CNTNAP5: variants seen among roughly 807,000 people sequenced by gnomAD.
The protein encoded by CNTNAP5 is contactin associated protein family member 5.
CNTNAP5 carries 72 observed loss-of-function variants against 150.2 expected under a neutral mutation model. That is an observed-to-expected ratio of 0.48 (90% CI 0.40 to 0.58). The LOEUF is 0.58. Ranked by LOEUF, CNTNAP5 falls within the 20% of genes least tolerant of loss-of-function variation. CNTNAP5 has a pLI of 0.00. For synonymous variants in CNTNAP5, 672 were observed against 619.8 expected (o/e 1.08, Z -1.25); for missense variants, 1,636 against 1,626.2 (o/e 1.01, Z -0.10).
At chr2:124,557,277 TG>T (rs58921283) in intron 10 of CNTNAP5, among the ~76,000 whole-genome samples, 61,670 of 151,726 alleles carry the variant, frequency 0.41, 12,821 homozygotes, top group East Asian at 0.62. Context: ...AATTGCTCCT[TG>T]CCTGTGGCTG....
intron 16 of CNTNAP5, among the ~76,000 whole-genome samples, chr2:124,769,049 C>T (rs1411798285): frequency 6.6e-6 from 1 of 152,120 alleles, no homozygotes; most frequent in Non-Finnish European, 1.5e-5. Flanking sequence ...TAAATCGACC[C>T]TGAAATCTCT....
chr2:124,720,917 G>A (rs1482839), intron 13 of CNTNAP5, among the ~76,000 whole-genome samples: 31,555 of 151,740 alleles, frequency 0.21, 3,375 homozygotes, highest in East Asian at 0.24. Flanking sequence ...TTCTTCTTTA[G>A]TATACTTTAA....
At chr2:124,521,704 T>C (rs1694849912) in intron 8 of CNTNAP5, among the ~76,000 whole-genome samples, 1 of 152,238 alleles carries the variant, frequency 6.6e-6, no homozygotes, top group Admixed American at 6.5e-5. Context: ...ACTAACTCCC[T>C]TCCAGTCTAG....
At chr2:124,885,487 G>T (rs534974679) in intron 21 of CNTNAP5, among the ~76,000 whole-genome samples, 2 of 150,074 alleles carry the variant, frequency 1.3e-5, no homozygotes, top group East Asian at 4.0e-4. Flanking sequence ...CAATTCAGAG[G>T]CATTTAGTAT....
At chr2:124,026,687 G>T (rs1292713192) in intron 1 of CNTNAP5, among the ~76,000 whole-genome samples, 1 of 152,186 alleles carries the variant, frequency 6.6e-6, no homozygotes, top group Non-Finnish European at 1.5e-5. Context: ...GTTTATCAAG[G>T]TCCCTCAAGT....
chr2:124,580,728 T>G (rs1696391840), intron 11 of CNTNAP5, among the ~76,000 whole-genome samples: 1 of 152,186 alleles, frequency 6.6e-6, no homozygotes, highest in South Asian at 2.1e-4. Flanking sequence ...TCTCAATATC[T>G]GTTTATATAG....
intron 14 of CNTNAP5, among the ~76,000 whole-genome samples, chr2:124,758,990 G>A (rs1462478374): frequency 3.3e-5 from 5 of 152,000 alleles, no homozygotes; most frequent in African/African-American, 1.2e-4. Context: ...TTCCAACAGG[G>A]AAAACAAGAA....
At chr2:124,633,381 G>T (rs1573511201) in intron 12 of CNTNAP5, among the ~76,000 whole-genome samples, 1 of 152,244 alleles carries the variant, frequency 6.6e-6, no homozygotes, top group East Asian at 1.9e-4. Context: ...GGGGGTACAG[G>T]CACCATGAAA....
At chr2:124,386,117 A>G (rs1165856580) in intron 3 of CNTNAP5, among the ~76,000 whole-genome samples, 1 of 152,122 alleles carries the variant, frequency 6.6e-6, no homozygotes. Flanking sequence ...GATGGGGGGT[A>G]CCTCACTGTC....
intron 10 of CNTNAP5, among the ~76,000 whole-genome samples, chr2:124,561,860 C>T (rs1339998348): frequency 6.6e-6 from 1 of 152,136 alleles, no homozygotes; most frequent in East Asian, 1.9e-4. Context: ...ACAATGAACC[C>T]ATTTGTTGTA....
intron 1 of CNTNAP5, among the ~76,000 whole-genome samples, chr2:124,097,213 G>A (rs1042486334): frequency 3.3e-5 from 5 of 152,142 alleles, no homozygotes; most frequent in African/African-American, 1.2e-4. Context: ...GAGAAAGGTA[G>A]AGGTTACCTG....
chr2:124,235,180 G>A (rs769385081), intron 2 of CNTNAP5, among the ~76,000 whole-genome samples: 2 of 152,144 alleles, frequency 1.3e-5, no homozygotes, highest in Non-Finnish European at 2.9e-5. Context: ...ACTGGGACCA[G>A]CCTTTTGAAC....
chr2:124,440,071 A>G (rs182276964), intron 5 of CNTNAP5, among the ~76,000 whole-genome samples: 1 of 152,176 alleles, frequency 6.6e-6, no homozygotes, highest in Non-Finnish European at 1.5e-5. Flanking sequence ...TGTAACCCCT[A>G]TTCTTTGAGT....
rs72963807 is a variant in CNTNAP5, at chr2:124,819,586, A to G, written c.3217+21266A>G. Among the ~76,000 whole-genome samples the G allele has an allele frequency of 5.2e-3, 797 of 152,296 alleles. 10 individuals are homozygous for G. Among genetic ancestry groups the G allele is most frequent in the African/African-American group, 0.018 (755 of 41,574 alleles). On this transcript the variant is annotated intron_variant, in intron 19 of 23. Transcript: ENST00000682447. ...GTGAAATTAACATTATCTTCAAATAATAGTTGGTCAGTGGAGCCTGCTGGG... is the reference window on the plus strand; with the variant it reads ...GTGAAATTAACATTATCTTCAAATAGTAGTTGGTCAGTGGAGCCTGCTGGG...
chr2:124,365,953 C>G (rs1356278665), intron 3 of CNTNAP5, among the ~76,000 whole-genome samples: 1 of 152,136 alleles, frequency 6.6e-6, no homozygotes. Context: ...CAAGTGGTGC[C>G]TGGGATGCAT....
intron 1 of CNTNAP5, among the ~76,000 whole-genome samples, chr2:124,057,350 C>T (rs530655617): frequency 4.0e-5 from 6 of 148,490 alleles, no homozygotes; most frequent in Non-Finnish European, 5.9e-5. Context: ...GGCGTGATCT[C>T]GGCTCACTGC....
intron 7 of CNTNAP5, among the ~76,000 whole-genome samples, chr2:124,491,733 A>G (rs369016371): frequency 5.6e-4 from 84 of 150,544 alleles, no homozygotes; most frequent in African/African-American, 1.9e-3. Context: ...CCCTTTCTCT[A>G]CATTCTCACC....
intron 19 of CNTNAP5, among the ~76,000 whole-genome samples, chr2:124,857,372 GT>G (rs1399065023): frequency 6.6e-6 from 1 of 152,104 alleles, no homozygotes; most frequent in African/African-American, 2.4e-5. Context: ...CAGGCAGTTG[GT>G]GGGAGCCCAA....
chr2:124,560,113 T>G (rs1401952694), intron 10 of CNTNAP5, among the ~76,000 whole-genome samples: 1 of 152,208 alleles, frequency 6.6e-6, no homozygotes, highest in Non-Finnish European at 1.5e-5. Context: ...GTGAGGCATA[T>G]TAAATATGTG....
Sources: gnomAD v4.1 joint callset for allele counts (sites outside exome capture counted in the v4.1 genomes callset) on GRCh38, gnomAD v4.1.1 for gene constraint, MANE v1.5 for transcripts, NCBI Gene and HGNC (gene_info 2026-07-23, HGNC 2026-07-21) for gene names.